CEMIP2: variants seen among roughly 807,000 people sequenced by gnomAD.
CEMIP2 encodes cell surface hyaluronidase CEMIP2.
A neutral mutation model predicts 146.9 loss-of-function variants in CEMIP2; 79 were observed. The ratio of observed to expected loss-of-function variants is 0.54; its 90% CI spans 0.45 to 0.65. The LOEUF is 0.65. Among genes scored for constraint, CEMIP2 ranks in the 30% least tolerant of loss-of-function variants. CEMIP2 has a pLI of 0.00. For missense variants in CEMIP2, 1,596 were observed against 1,696.2 expected (o/e 0.94, Z 1.04); for synonymous variants, 601 against 606.3 (o/e 0.99, Z 0.13).
At chr9:71,749,406 A>T (rs1039063749) in intron 2 of CEMIP2, among the ~76,000 whole-genome samples, 3 of 143,566 alleles carry the variant, frequency 2.1e-5, no homozygotes, top group Non-Finnish European at 3.1e-5. Flanking sequence ...ACGTATGACT[A>T]AAAAAAAAAA....
chr9:71,738,581 T>C (rs769624285), intron 5 of CEMIP2, among the ~76,000 whole-genome samples: 3 of 151,856 alleles, frequency 2.0e-5, no homozygotes, highest in Non-Finnish European at 4.4e-5. Context: ...GGCTCACGCC[T>C]GTAATCCCAG....
At chr9:71,709,518 T>C in intron 16 of CEMIP2, 44 bp from the exon 17 acceptor site, 6 of 1,543,318 alleles carry the variant, frequency 3.9e-6, no homozygotes, top group Non-Finnish European at 5.4e-6. Flanking sequence ...TGAGGGCTCC[T>C]GCTATCTCAG....
At chr9:71,758,490 G>A (rs915263671) in intron 1 of CEMIP2, among the ~76,000 whole-genome samples, 1 of 152,162 alleles carries the variant, frequency 6.6e-6, no homozygotes, top group Non-Finnish European at 1.5e-5. Flanking sequence ...CCGAAAACAG[G>A]TTACAGTAGT....
chr9:71,759,220 A>G (rs1288086515), intron 1 of CEMIP2, among the ~76,000 whole-genome samples: 1 of 152,190 alleles, frequency 6.6e-6, no homozygotes, highest in Admixed American at 6.5e-5. Flanking sequence ...TGATATTCCC[A>G]AGTTAAGCTA....
intron 2 of CEMIP2, among the ~76,000 whole-genome samples, chr9:71,749,431 C>T (rs1415644061): frequency 6.6e-6 from 1 of 151,430 alleles, no homozygotes; most frequent in Non-Finnish European, 1.5e-5. Context: ...TGCGGCCGGG[C>T]ATGGTGGCTC....
At chr9:71,733,128 T>C (rs1047350651) in intron 6 of CEMIP2, among the ~76,000 whole-genome samples, 2 of 151,676 alleles carry the variant, frequency 1.3e-5, no homozygotes, top group African/African-American at 2.4e-5. Flanking sequence ...GGTGTCAACT[T>C]GTTTATGCTT....
intron 4 of CEMIP2, 110 bp downstream of exon 4, chr9:71,744,908 G>A: frequency 8.8e-7 from 1 of 1,141,704 alleles, no homozygotes. Flanking sequence ...TGGTAGAGTG[G>A]CCCTTCTGAT....
intron 14 of CEMIP2, 42 bp downstream of exon 14, chr9:71,716,475 T>C (rs1823061012): frequency 6.7e-7 from 1 of 1,493,302 alleles, no homozygotes. Context: ...AGGGTTATTT[T>C]AAAGCTTTAA....
At chr9:71,740,269 T>G (rs3753006) in intron 4 of CEMIP2, 37 bp from the exon 5 acceptor site, 244,560 of 1,599,998 alleles carry the variant, frequency 0.15, 20,568 homozygotes, top group African/African-American at 0.34. Flanking sequence ...TGATTACTTG[T>G]CATGGTATTC....
At chr9:71,767,096 G>T (rs1824819243) in intron 1 of CEMIP2, among the ~76,000 whole-genome samples, 1 of 152,218 alleles carries the variant, frequency 6.6e-6, no homozygotes, top group South Asian at 2.1e-4. Flanking sequence ...ATGATACCCA[G>T]ACCAATTCTG....
intron 21 of CEMIP2, among the ~76,000 whole-genome samples, chr9:71,692,902 AAAAC>A (rs1379350475): frequency 1.4e-5 from 2 of 140,676 alleles, no homozygotes; most frequent in Admixed American, 7.7e-5. Flanking sequence ...CCCTGTCTCA[AAAAC>A]AAACAAACAA....
At chr9:71,707,043 G>T (rs1287555583) in intron 17 of CEMIP2, among the ~76,000 whole-genome samples, 1 of 152,054 alleles carries the variant, frequency 6.6e-6, no homozygotes, top group Non-Finnish European at 1.5e-5. Context: ...GGCCAGGCTG[G>T]GCTCGAACTC....
chr9:71,690,800 CA>C (rs1228222998), intron 21 of CEMIP2, among the ~76,000 whole-genome samples: 7 of 152,186 alleles, frequency 4.6e-5, no homozygotes, highest in Non-Finnish European at 7.3e-5. Flanking sequence ...ATTTAAGCTA[CA>C]AAGTACTACT....
intron 15 of CEMIP2, among the ~76,000 whole-genome samples, chr9:71,713,444 T>C (rs1369151606): frequency 2.0e-5 from 3 of 152,128 alleles, no homozygotes; most frequent in African/African-American, 7.2e-5. Flanking sequence ...TGATTTTAAA[T>C]TGCCCAGTCT....
rs146250740 is a variant in CEMIP2, at chr9:71,690,208, G to A, written c.3735C>T (p.Val1245=). The A allele has an allele frequency of 2.3e-3, 3,749 of 1,614,148 alleles. 7 individuals are homozygous for A. The highest frequency in any genetic ancestry group is 2.9e-3 in the Non-Finnish European group (3,442 of 1,179,998). The change falls in exon 22 of 24, where the codon GTC becomes GTT. Residue 1245 remains valine (V), a synonymous_variant. Transcript: ENST00000377044. ...TGCACGGATCCACAACAAGGAGGAG[G>A]ACGCCTGCACTTCGGAAGGTAAAGT... ...GTDFTFRSAG[V]LLLVVDPCSV...
chr9:71,694,473 C>A (rs771087951), intron 21 of CEMIP2, 36 bp downstream of exon 21: 3 of 1,535,800 alleles, frequency 2.0e-6, no homozygotes, highest in South Asian at 2.2e-5. Context: ...GTTATACCAC[C>A]TAGAACAGAC....
chr9:71,708,917 A>G (rs1394906878), intron 17 of CEMIP2, among the ~76,000 whole-genome samples: 2 of 152,210 alleles, frequency 1.3e-5, no homozygotes, highest in Admixed American at 1.3e-4. Flanking sequence ...CTTAGAGGGC[A>G]TAGCTGTAGT....
chr9:71,733,450 G>T (rs1447925428), intron 6 of CEMIP2, among the ~76,000 whole-genome samples: 1 of 152,124 alleles, frequency 6.6e-6, no homozygotes, highest in East Asian at 1.9e-4. Flanking sequence ...TTTTGTTGGG[G>T]CAGTGTTCTT....
At chr9:71,745,872 A>T (rs183987356) in intron 3 of CEMIP2, among the ~76,000 whole-genome samples, 74 of 152,274 alleles carry the variant, frequency 4.9e-4, no homozygotes, top group Admixed American at 3.8e-3. Context: ...TACTCATGTT[A>T]ACTCTCAGAA....
Sources: allele counts gnomAD v4.1 joint callset (sites outside exome capture counted in the v4.1 genomes callset), GRCh38; gene constraint gnomAD v4.1.1; transcripts MANE v1.5; gene names NCBI Gene and HGNC (gene_info 2026-07-23, HGNC 2026-07-21).